PTPDC1: variants seen among roughly 807,000 people sequenced by gnomAD.
PTPDC1 encodes the protein protein tyrosine phosphatase domain containing 1.
In PTPDC1, 53 loss-of-function variants were observed where a neutral mutation model predicts 75.3. The observed-to-expected ratio is 0.70, with a 90% CI of 0.56 to 0.88. PTPDC1 has a LOEUF of 0.88. Ranked by LOEUF, PTPDC1 falls within the 40% of genes least tolerant of loss-of-function variation. The pLI, the probability that PTPDC1 is intolerant of heterozygous loss-of-function variation, is 0.00. For synonymous variants in PTPDC1, 349 were observed against 366.2 expected (o/e 0.95, Z 0.54); for missense variants, 925 against 998.6 (o/e 0.93, Z 0.99).
chr9:94,050,922 C>T (rs1587848132), intron 1 of PTPDC1, among the ~76,000 whole-genome samples: 1 of 152,324 alleles, frequency 6.6e-6, no homozygotes, highest in South Asian at 2.1e-4. Context: ...GCGGGCGCCC[C>T]TCCCCTCGCC....
intron 1 of PTPDC1, among the ~76,000 whole-genome samples, chr9:94,054,115 C>T (rs1226455354): frequency 6.6e-6 from 1 of 152,224 alleles, no homozygotes; most frequent in African/African-American, 2.4e-5. Context: ...CCTCATGGAG[C>T]TTACATTCCG....
intron 2 of PTPDC1, among the ~76,000 whole-genome samples, chr9:94,076,667 CAT>C (rs1826702299): frequency 6.6e-6 from 1 of 152,026 alleles, no homozygotes. Flanking sequence ...TTTGTGTGGA[CAT>C]ATGTTTTCAT....
chr9:94,093,291 ATCTC>A (rs1449971444), intron 4 of PTPDC1, among the ~76,000 whole-genome samples: 2 of 148,150 alleles, frequency 1.3e-5, no homozygotes, highest in Non-Finnish European at 3.0e-5. Flanking sequence ...TGGTGACAAA[ATCTC>A]TCAGCATTTG....
At chr9:94,066,181 A>G (rs1289099169) in intron 2 of PTPDC1, among the ~76,000 whole-genome samples, 1 of 152,196 alleles carries the variant, frequency 6.6e-6, no homozygotes. Context: ...AAATACCCCC[A>G]GGAAGGTTGT....
At chr9:94,033,971 G>A (rs549294633) in intron 1 of PTPDC1, among the ~76,000 whole-genome samples, 1 of 152,160 alleles carries the variant, frequency 6.6e-6, no homozygotes, top group South Asian at 2.1e-4. Flanking sequence ...GTGCCAGGCA[G>A]TATAGTAGAT....
upstream of PTPDC1, among the ~76,000 whole-genome samples, chr9:94,082,324 ATTG>A (rs544963543): frequency 1.6e-4 from 24 of 152,320 alleles, no homozygotes; most frequent in African/African-American, 5.8e-4. Flanking sequence ...TTCTCAGCCT[ATTG>A]TTCTATGACT....
At chr9:94,036,626 A>C (rs963648794) in intron 1 of PTPDC1, among the ~76,000 whole-genome samples, 2 of 152,210 alleles carry the variant, frequency 1.3e-5, no homozygotes, top group Non-Finnish European at 2.9e-5. Context: ...CCACAAGGCC[A>C]TAACCTGCTC....
rs75441827 is a variant in PTPDC1 at position 94,085,099 on chromosome 9, A to G, written c.245-152A>G. ...ACATTAAGAGATATATGTCACTTTG[A>G]CAGGGAAACAGTTTTGTTTTCTTGA... On this transcript the variant is annotated intron_variant, in intron 1 of 8. Coordinates refer to ENST00000620992, the MANE Select transcript of PTPDC1 (RefSeq NM_001253829.2). 7.9e-3 allele frequency: 5,411 copies of G among 686,126 alleles called. 202 individuals carry two copies. In the African/African-American group the frequency reaches 0.087, roughly 11 times the overall value. The allele number at this position is 686,126 out of a possible 1,614,324, so 42.5% of individuals were successfully genotyped here.
intron 1 of PTPDC1, 134 bp downstream of exon 1, chr9:94,084,908 T>C (rs1439210580): frequency 1.5e-5 from 10 of 647,322 alleles, no homozygotes; most frequent in Non-Finnish European, 2.4e-5. Flanking sequence ...TGTTATGCTA[T>C]TTTAGTGAAT....
In PTPDC1 at chr9:94,097,641, GTGA is replaced by G; in HGVS notation, c.1082_1084del (p.Met361del). ...GCTGGACTTAGCGGAGAACAGGCCA[GTGA>G]TGATGAAGGATGTGTCCGAAGGACC... is the stretch of plus-strand genomic sequence containing the variant. On this transcript the variant is annotated inframe_deletion, in exon 6 of 9. Transcript: ENST00000620992. 1 of 1,614,082 alleles carries G rather than the reference GTGA, an allele frequency of 6.2e-7. No homozygotes were observed. The highest frequency in any genetic ancestry group is 1.3e-5 in the African/African-American group (1 of 75,054).
upstream of PTPDC1, among the ~76,000 whole-genome samples, chr9:94,082,942 G>A (rs529857735): frequency 6.6e-6 from 1 of 152,290 alleles, no homozygotes; most frequent in South Asian, 2.1e-4. Context: ...GTTGAAAGCA[G>A]TTACTTTTGA....
intron 7 of PTPDC1, among the ~76,000 whole-genome samples, chr9:94,102,991 T>TACACACAC (rs10624415): frequency 0.086 from 12,840 of 148,882 alleles, 714 homozygotes; most frequent in East Asian, 0.13. Context: ...CTGCTGTTAC[T>TACACACAC]ACACACACAC....
intron 6 of PTPDC1, chr9:94,100,820 C>G (rs1277821816): frequency 6.6e-6 from 1 of 152,188 alleles, no homozygotes; most frequent in African/African-American, 2.4e-5. Context: ...AATCTGAACC[C>G]TGTCAGAAAT....
chr9:94,057,680 C>T (rs953307961), intron 1 of PTPDC1, among the ~76,000 whole-genome samples: 1 of 152,150 alleles, frequency 6.6e-6, no homozygotes, highest in Non-Finnish European at 1.5e-5. Context: ...ATATAGCTGA[C>T]AGTGAACAGA....
At chr9:94,064,267 G>A (rs962017840) in intron 1 of PTPDC1, among the ~76,000 whole-genome samples, 30 of 152,276 alleles carry the variant, frequency 2.0e-4, no homozygotes, top group Non-Finnish European at 7.4e-5. Context: ...CTTAGTGTGT[G>A]TTAATCCTAC....
chr9:94,095,898 A>G (rs1029602265), intron 5 of PTPDC1, among the ~76,000 whole-genome samples: 1 of 152,212 alleles, frequency 6.6e-6, no homozygotes, highest in Non-Finnish European at 1.5e-5. Flanking sequence ...TTTAGCAACA[A>G]TGTGAGTTGG....
At chr9:94,063,458 A>G (rs981052185) in intron 1 of PTPDC1, among the ~76,000 whole-genome samples, 1 of 152,220 alleles carries the variant, frequency 6.6e-6, no homozygotes, top group African/African-American at 2.4e-5. Context: ...AATACTATGC[A>G]CATTATAAAA....
Position 94,085,440 on chromosome 9 carries a change from T to A in PTPDC1, c.416+18T>A, listed in dbSNP as rs773779040. 6.2e-7 allele frequency: 1 copy of A among 1,613,612 alleles called. No individual in the cohort carries two copies. The highest frequency in any genetic ancestry group is 8.5e-7 in the Non-Finnish European group (1 of 1,179,658). On this transcript the variant is annotated intron_variant, in intron 2 of 8. Transcript: ENST00000620992. ...TCATCCTGGTGAGTGATCCTGTTGGTCTTTCATAGCTCTGTTGGATACAGG... is the reference window on the plus strand; with the variant it reads ...TCATCCTGGTGAGTGATCCTGTTGGACTTTCATAGCTCTGTTGGATACAGG...
In PTPDC1 at chr9:94,106,990, G is replaced by A. The variant is rs866751116; in HGVS notation, c.2311-838G>A. On this transcript the variant is annotated intron_variant, in intron 8 of 8. Coordinates refer to ENST00000620992, the MANE Select transcript of PTPDC1 (RefSeq NM_001253829.2). The stretch of plus-strand genomic sequence containing the variant: ...GTTTTTTGAGACAAGGTCTCACTCT[G>A]TCACCCAGTCTGGAGTGCAGTGGCA... 3.9e-5 allele frequency among the ~76,000 whole-genome samples: 6 copies of A among 152,288 alleles called. 1 individual carries two copies. The Middle Eastern group carries it at 0.017, about 432-fold the overall frequency.
Sources: allele counts gnomAD v4.1 joint callset (sites outside exome capture counted in the v4.1 genomes callset), GRCh38; gene constraint gnomAD v4.1.1; transcripts MANE v1.5; gene names NCBI Gene and HGNC (gene_info 2026-07-23, HGNC 2026-07-21).